Variants in EFCAB7 observed in about 807,000 individuals in gnomAD.
The protein encoded by EFCAB7 is EF-hand calcium-binding domain-containing protein 7.
In EFCAB7, 66 loss-of-function variants were observed where a neutral mutation model predicts 77.1. The observed-to-expected ratio is 0.86, with a 90% CI of 0.70 to 1.05. The LOEUF (loss-of-function observed/expected upper bound fraction) is 1.05. Ranked by LOEUF, EFCAB7 falls within the 50% of genes least tolerant of loss-of-function variation. The pLI, the probability that EFCAB7 is intolerant of heterozygous loss-of-function variation, is 0.00. For synonymous variants in EFCAB7, 225 were observed against 243.3 expected (o/e 0.92, Z 0.70); for missense variants, 638 against 730.5 (o/e 0.87, Z 1.46).
At chr1:63,554,598 CCAAAGTGCTGGGATTA>C (rs1647005992) in intron 8 of EFCAB7, among the ~76,000 whole-genome samples, 1 of 152,232 alleles carries the variant, frequency 6.6e-6, no homozygotes, top group Non-Finnish European at 1.5e-5. Context: ...CCTTGGCCTC[CCAAAGTGCTGGGATTA>C]CAGGCGTGAA....
At chr1:63,540,016 A>G (rs1034468560) in intron 6 of EFCAB7, among the ~76,000 whole-genome samples, 13 of 152,084 alleles carry the variant, frequency 8.5e-5, no homozygotes, top group African/African-American at 2.9e-4. Context: ...TGCCCATCCA[A>G]GAGATTTACA....
chr1:63,573,580 CTG>C (rs898424409), downstream of EFCAB7, among the ~76,000 whole-genome samples: 5 of 152,120 alleles, frequency 3.3e-5, no homozygotes, highest in African/African-American at 9.7e-5. Context: ...CTTGGAGAAA[CTG>C]TGTAAACCGG....
intron 10 of EFCAB7, among the ~76,000 whole-genome samples, chr1:63,559,024 A>G (rs1647062380): frequency 6.6e-6 from 1 of 151,786 alleles, no homozygotes; most frequent in Non-Finnish European, 1.5e-5. Context: ...TTAAAAAGAA[A>G]AAAAAAAAAA....
At chr1:63,549,708 G>T (rs1646943232) in intron 7 of EFCAB7, 1 of 253,882 alleles carries the variant, frequency 3.9e-6, no homozygotes, top group African/African-American at 2.4e-5. Context: ...CACATGTCAA[G>T]GGATTACTTA....
chr1:63,579,087 G>C, the EFCAB7 span, among the ~76,000 whole-genome samples: 4 of 150,966 alleles, frequency 2.6e-5, no homozygotes. Flanking sequence ...TTGGTGGGTT[G>C]GGGGGAAGCT....
intron 6 of EFCAB7, among the ~76,000 whole-genome samples, chr1:63,534,860 G>C (rs1646744878): frequency 6.6e-6 from 1 of 151,976 alleles, no homozygotes; most frequent in African/African-American, 2.4e-5. Context: ...CTCTGTATTT[G>C]TTATTGAACT....
At chr1:63,532,361 GT>G (rs1203030107) in intron 3 of EFCAB7, among the ~76,000 whole-genome samples, 1 of 151,944 alleles carries the variant, frequency 6.6e-6, no homozygotes, top group East Asian at 1.9e-4. Flanking sequence ...AATCCATTCT[GT>G]TTTTTGATAC....
At chr1:63,572,130 C>T (rs1025344039) in intron 13 of EFCAB7, among the ~76,000 whole-genome samples, 6 of 152,312 alleles carry the variant, frequency 3.9e-5, no homozygotes, top group Non-Finnish European at 8.8e-5. Context: ...TTTTCTGTTT[C>T]TCCAATTAAG....
At chr1:63,584,655 A>G in the EFCAB7 span, among the ~76,000 whole-genome samples, 6 of 152,116 alleles carry the variant, frequency 3.9e-5, no homozygotes, top group Admixed American at 1.3e-4. Context: ...CTCTTCTTCC[A>G]CCTTCTATTC....
At chr1:63,530,326 T>C (rs946133515) in intron 2 of EFCAB7, among the ~76,000 whole-genome samples, 1 of 152,228 alleles carries the variant, frequency 6.6e-6, no homozygotes, top group Non-Finnish European at 1.5e-5. Flanking sequence ...GTTGGAACTA[T>C]CCAATATAAG....
chr1:63,575,232 TGA>T (rs1647379117), downstream of EFCAB7, among the ~76,000 whole-genome samples: 1 of 152,082 alleles, frequency 6.6e-6, no homozygotes, highest in South Asian at 2.1e-4. Flanking sequence ...TATATATATA[TGA>T]GTCATGACAT....
At chr1:63,527,208 T>C (rs1343119612) in intron 2 of EFCAB7, among the ~76,000 whole-genome samples, 1 of 152,214 alleles carries the variant, frequency 6.6e-6, no homozygotes, top group Non-Finnish European at 1.5e-5. Context: ...GCATTTAGTT[T>C]GTGAATCAAT....
At chr1:63,561,131 G>A (rs1647095199) in intron 10 of EFCAB7, among the ~76,000 whole-genome samples, 1 of 152,154 alleles carries the variant, frequency 6.6e-6, no homozygotes, top group Non-Finnish European at 1.5e-5. Flanking sequence ...GACTTACCTG[G>A]GAAAATGTAG....
At chr1:63,555,975 C>T (rs1308787332) in intron 9 of EFCAB7, among the ~76,000 whole-genome samples, 3 of 151,984 alleles carry the variant, frequency 2.0e-5, no homozygotes, top group East Asian at 3.9e-4. Context: ...TGGCCTCAAG[C>T]GAGCATCCTG....
At chr1:63,526,080 G>A (rs761664214) in intron 2 of EFCAB7, among the ~76,000 whole-genome samples, 1 of 152,138 alleles carries the variant, frequency 6.6e-6, no homozygotes, top group Non-Finnish European at 1.5e-5. Context: ...GGCCTCTTAA[G>A]TCACTAGCCT....
the EFCAB7 span, among the ~76,000 whole-genome samples, chr1:63,579,885 T>A: frequency 6.6e-6 from 1 of 152,226 alleles, no homozygotes; most frequent in Non-Finnish European, 1.5e-5. Context: ...TTTGCCCATT[T>A]GAAATTAGGT....
At chr1:63,526,036 T>G (rs1341065122) in intron 2 of EFCAB7, among the ~76,000 whole-genome samples, 1 of 152,178 alleles carries the variant, frequency 6.6e-6, no homozygotes, top group Non-Finnish European at 1.5e-5. Context: ...TTTTGGTGCT[T>G]TAAGATTTAT....
rs780828841 is a variant in EFCAB7 at position 63,555,544 on chromosome 1, A to G, written c.1214+29A>G. On this transcript the variant is annotated intron_variant, in intron 9 of 13. Transcript: ENST00000371088. ...AGTTTTGTTTATTAATGTTAGAATTATAACATCTAGACTGGATAGATATTA... is the reference window on the plus strand; with the variant it reads ...AGTTTTGTTTATTAATGTTAGAATTGTAACATCTAGACTGGATAGATATTA... The G allele has an allele frequency of 8.8e-6, 14 of 1,592,066 alleles. No individual in the cohort carries two copies. The Middle Eastern group carries it at 5.0e-4, about 57-fold the overall frequency.
At chr1:63,529,416 A>G (rs1400297487) in intron 2 of EFCAB7, among the ~76,000 whole-genome samples, 3 of 152,098 alleles carry the variant, frequency 2.0e-5, no homozygotes, top group Non-Finnish European at 4.4e-5. Context: ...CTTCCTATTT[A>G]GATTATAAAA....
Sources: allele counts gnomAD v4.1 joint callset (sites outside exome capture counted in the v4.1 genomes callset), GRCh38; gene constraint gnomAD v4.1.1; transcripts MANE v1.5; gene names NCBI Gene and HGNC (gene_info 2026-07-23, HGNC 2026-07-21).